GALNT13: variants seen among roughly 807,000 people sequenced by gnomAD.
GALNT13 encodes the protein polypeptide N-acetylgalactosaminyltransferase 13, also known as UDP-GalNAc:polypeptide N-acetylgalactosaminyltransferase 13.
GALNT13 carries 28 observed loss-of-function variants against 64.2 expected under a neutral mutation model. The observed-to-expected ratio is 0.44, with a 90% confidence interval of 0.32 to 0.60. GALNT13 has a LOEUF of 0.60. GALNT13 is among the 20% of genes least tolerant of loss of function. The probability of loss-of-function intolerance (pLI) is 0.05; values close to 1 mark genes in which losing one functional copy is unlikely to be tolerated. For missense variants in GALNT13, 577 were observed against 669.8 expected (o/e 0.86, Z 1.53); for synonymous variants, 214 against 224.6 (o/e 0.95, Z 0.42).
intron 3 of GALNT13, among the ~76,000 whole-genome samples, chr2:154,049,569 G>A (rs1474681851): frequency 6.7e-6 from 1 of 149,388 alleles, no homozygotes; most frequent in Non-Finnish European, 1.5e-5. Flanking sequence ...AGCATGGGAA[G>A]CAAACAGATC....
At chr2:153,160,196 A>G in the GALNT13 span, among the ~76,000 whole-genome samples, 1 of 152,186 alleles carries the variant, frequency 6.6e-6, no homozygotes, top group East Asian at 1.9e-4. Flanking sequence ...TACAGATAAG[A>G]GGAACTGCAA....
the GALNT13 span, among the ~76,000 whole-genome samples, chr2:153,689,659 G>A: frequency 6.6e-6 from 1 of 151,986 alleles, no homozygotes; most frequent in Non-Finnish European, 1.5e-5. Context: ...TGATTCCAAT[G>A]ATTCTTCCTT....
At chr2:153,357,090 G>A in the GALNT13 span, among the ~76,000 whole-genome samples, 298 of 152,172 alleles carry the variant, frequency 2.0e-3, 7 homozygotes, top group Admixed American at 0.017. Flanking sequence ...TTACAGGCGT[G>A]AGCCACCGTG....
At chr2:153,082,821 ATTT>A in the GALNT13 span, among the ~76,000 whole-genome samples, 1 of 146,818 alleles carries the variant, frequency 6.8e-6, no homozygotes, top group Admixed American at 6.8e-5. Context: ...AATAAAATAT[ATTT>A]TATTTATTTA....
At chr2:153,517,794 C>T in the GALNT13 span, among the ~76,000 whole-genome samples, 18 of 152,138 alleles carry the variant, frequency 1.2e-4, no homozygotes, top group African/African-American at 4.1e-4. Flanking sequence ...AATCAGTTGG[C>T]AAAAGTTTGA....
the GALNT13 span, among the ~76,000 whole-genome samples, chr2:153,547,841 A>G: frequency 6.6e-6 from 1 of 152,218 alleles, no homozygotes; most frequent in African/African-American, 2.4e-5. Context: ...TTTACTCTTA[A>G]AAGCACTTAC....
chr2:154,438,840 T>C, intron 12 of GALNT13, 114 bp downstream of exon 12: 1 of 839,220 alleles, frequency 1.2e-6, no homozygotes, highest in Non-Finnish European at 1.8e-6. Context: ...GAATTAGATT[T>C]TCAAGCATGC....
At chr2:154,386,821 T>C (rs1698535490) in intron 9 of GALNT13, among the ~76,000 whole-genome samples, 1 of 152,074 alleles carries the variant, frequency 6.6e-6, no homozygotes, top group Non-Finnish European at 1.5e-5. Flanking sequence ...GGACCAAGCA[T>C]TTGAATATGA....
At position 154,259,141 on chromosome 2, in the gene GALNT13, A is replaced by G; in HGVS notation, c.975+3A>G. On this transcript the variant is annotated splice_donor_region_variant and intron_variant, in intron 8 of 12. Transcript: ENST00000392825. ...AGAATCTTGAAATGTCTTTTAGGGT[A>G]ATTGCATTTTATTTTATTTTTTGAT... The G allele has an allele frequency of 6.8e-7, 1 of 1,465,330 alleles. No homozygotes were observed. The highest frequency in any genetic ancestry group is 9.5e-7 in the Non-Finnish European group (1 of 1,047,786). 90.8% of individuals were successfully genotyped at this position (1,465,330 alleles called of 1,614,324 possible).
chr2:153,221,243 T>C, the GALNT13 span, among the ~76,000 whole-genome samples: 1 of 152,136 alleles, frequency 6.6e-6, no homozygotes, highest in African/African-American at 2.4e-5. Context: ...ATTGCGCCAC[T>C]GCACTCCAGT....
chr2:153,760,188 GGTGAA>G, the GALNT13 span, among the ~76,000 whole-genome samples: 2 of 151,540 alleles, frequency 1.3e-5, no homozygotes, highest in African/African-American at 2.4e-5. Flanking sequence ...TGTTAGTCTA[GGTGAA>G]GTTTCATTGA....
intron 9 of GALNT13, among the ~76,000 whole-genome samples, chr2:154,345,367 C>T (rs1696014056): frequency 6.6e-6 from 1 of 151,978 alleles, no homozygotes; most frequent in African/African-American, 2.4e-5. Flanking sequence ...TTGAAGGTTT[C>T]CTCCTTAGAA....
the GALNT13 span, among the ~76,000 whole-genome samples, chr2:153,199,960 A>G: frequency 6.6e-6 from 1 of 152,228 alleles, no homozygotes; most frequent in East Asian, 1.9e-4. Flanking sequence ...ATGTTCATTG[A>G]TAAATAACCA....
At chr2:153,630,686 AT>A in the GALNT13 span, among the ~76,000 whole-genome samples, 5 of 143,816 alleles carry the variant, frequency 3.5e-5, no homozygotes, top group Non-Finnish European at 6.1e-5. Context: ...ATTAAAAAAA[AT>A]TAAAAAAAAT....
intron 4 of GALNT13, among the ~76,000 whole-genome samples, chr2:154,176,028 A>G (rs2105715047): frequency 6.6e-6 from 1 of 152,176 alleles, no homozygotes; most frequent in East Asian, 1.9e-4. Context: ...AAAAAGGTTA[A>G]GAAACCCTGT....
intron 8 of GALNT13, among the ~76,000 whole-genome samples, chr2:154,290,851 C>A (rs1692574913): frequency 6.6e-6 from 1 of 152,076 alleles, no homozygotes; most frequent in African/African-American, 2.4e-5. Flanking sequence ...AGGAGTGAAG[C>A]TGCAACCTTC....
the GALNT13 span, among the ~76,000 whole-genome samples, chr2:153,328,038 T>G: frequency 6.6e-6 from 1 of 152,158 alleles, no homozygotes; most frequent in African/African-American, 2.4e-5. Context: ...GTTTTTTGGT[T>G]TTTTTTCTCA....
At chr2:154,436,874 C>T (rs1040492417) in intron 11 of GALNT13, 4 of 151,908 alleles carry the variant, frequency 2.6e-5, no homozygotes, top group Non-Finnish European at 5.9e-5. Flanking sequence ...AAATGTATAA[C>T]CTTTGTGAAG....
At chr2:153,087,691 A>C in the GALNT13 span, among the ~76,000 whole-genome samples, 8 of 152,060 alleles carry the variant, frequency 5.3e-5, no homozygotes, top group Non-Finnish European at 1.0e-4. Flanking sequence ...TTCCTGATTT[A>C]ACCTAGGAGA....
Sources: gnomAD v4.1 joint callset for allele counts (sites outside exome capture counted in the v4.1 genomes callset) on GRCh38, gnomAD v4.1.1 for gene constraint, MANE v1.5 for transcripts, NCBI Gene and HGNC (gene_info 2026-07-23, HGNC 2026-07-21) for gene names.